CYTIP: variants seen among roughly 807,000 people sequenced by gnomAD.
CYTIP encodes the protein cytohesin 1 interacting protein, also known as cytohesin-interacting protein.
A neutral mutation model predicts 43.8 loss-of-function variants in CYTIP; 26 were observed. The ratio of observed to expected loss-of-function variants is 0.59; its 90% CI spans 0.44 to 0.82. The LOEUF is 0.82. Among genes scored for constraint, CYTIP ranks in the 40% least tolerant of loss-of-function variants. The pLI is 0.00. For missense variants in CYTIP, 426 were observed against 443.1 expected, an observed-to-expected ratio of 0.96 and a Z score of 0.35; for synonymous variants, 162 against 162.9, an observed-to-expected ratio of 0.99 and a Z score of 0.04.
intron 1 of CYTIP, 65 bp from the exon 2 acceptor site, chr2:157,434,812 ATCTCTCTCTCTCTCTC>A (rs113065609): frequency 3.6e-5 from 15 of 415,446 alleles, no homozygotes; most frequent in Admixed American, 2.9e-4. Flanking sequence ...AATGTTCTAA[ATCTCTCTCTCTCTCTC>A]TCTCTCTCTC....
rs1685431632 is a variant in CYTIP at position 157,415,887 on chromosome 2, C to T, written c.870G>A (p.Gly290=). The T allele has an allele frequency of 6.2e-7, 1 of 1,614,044 alleles. No homozygotes were observed. The highest frequency in any genetic ancestry group is 1.3e-5 in the African/African-American group (1 of 74,900). ...TDDECFIPKE[G]DDFLRRSSSR... ...AAGATGACCTCCTCAGAAAATCATC[C>T]CCCTCCTTGGGGATAAAGCACTCAT... The change falls in exon 8 of 8, where the codon GGG becomes GGA. Residue 290 remains glycine, a synonymous_variant. Transcript: ENST00000264192.
At chr2:157,421,593 T>C (rs985642574) in intron 6 of CYTIP, among the ~76,000 whole-genome samples, 4 of 152,188 alleles carry the variant, frequency 2.6e-5, no homozygotes, top group African/African-American at 7.2e-5. Context: ...AGCTAGCCCA[T>C]TGGATGTGCT....
intron 3 of CYTIP, among the ~76,000 whole-genome samples, chr2:157,433,356 G>A (rs982053700): frequency 4.6e-5 from 7 of 152,134 alleles, no homozygotes; most frequent in Non-Finnish European, 8.8e-5. Context: ...TCTTTTCAAA[G>A]TGCCTTCTCT....
chr2:157,442,111 C>T (rs1685928092), intron 1 of CYTIP, among the ~76,000 whole-genome samples: 1 of 152,188 alleles, frequency 6.6e-6, no homozygotes. Flanking sequence ...CAATTTCTCC[C>T]TTGCTCTGGA....
chr2:157,422,257 A>G (rs1245003900), intron 6 of CYTIP, among the ~76,000 whole-genome samples: 1 of 152,332 alleles, frequency 6.6e-6, no homozygotes, highest in East Asian at 1.9e-4. Context: ...GGGAGAGGCT[A>G]TATGCCATGC....
At chr2:157,431,679 T>C (rs1685716299) in intron 3 of CYTIP, among the ~76,000 whole-genome samples, 1 of 152,252 alleles carries the variant, frequency 6.6e-6, no homozygotes, top group Non-Finnish European at 1.5e-5. Context: ...CAATGACCTA[T>C]AACAAATATA....
intron 6 of CYTIP, among the ~76,000 whole-genome samples, chr2:157,426,914 T>C (rs751787492): frequency 8.5e-5 from 13 of 152,318 alleles, no homozygotes; most frequent in Admixed American, 8.5e-4. Context: ...GTCACAGGAT[T>C]AGACGGATAA....
intron 1 of CYTIP, among the ~76,000 whole-genome samples, chr2:157,441,121 A>G (rs1325872341): frequency 6.6e-6 from 1 of 152,192 alleles, no homozygotes; most frequent in African/African-American, 2.4e-5. Flanking sequence ...CTAACCAGAT[A>G]TAGCTTTGCA....
In CYTIP at chr2:157,444,051, G is replaced by A. The variant is rs1685958215; in HGVS notation, c.-31C>T. On this transcript the variant is annotated 5_prime_UTR_variant, in exon 1 of 8. Coordinates refer to ENST00000264192, the MANE Select transcript of CYTIP (RefSeq NM_004288.5). The stretch of plus-strand genomic sequence containing the variant: ...ATAAAGATCACTCCAGCTAGCACAT[G>A]GTTGAGTGGCCTTGCAGGATGGGGG... 6.2e-7 allele frequency: 1 copy of A among 1,607,338 alleles called. No individual in the cohort carries two copies. The highest frequency in any genetic ancestry group is 1.7e-5 in the Admixed American group (1 of 59,688).
At position 157,415,708 on chromosome 2, in the gene CYTIP, C is replaced by A. The variant is rs117488425; in HGVS notation, c.1049G>T (p.Arg350Leu). 6.2e-6 allele frequency: 10 copies of A among 1,612,384 alleles called. No homozygotes were observed. Among genetic ancestry groups the A allele is most frequent in the Non-Finnish European group, 7.6e-6 (9 of 1,178,898 alleles). ...GCGACTTTCTTCCTCTTCCACAGCA[C>A]GATGAAGGCCAGGGATAAATTTCAA... ...QLLKFIPGLH[R>L]AVEEEESRF The change falls in exon 8 of 8, where the codon CGT becomes CTT. Residue 350 changes from arginine (R) to leucine (L), a missense_variant. Transcript: ENST00000264192.
intron 1 of CYTIP, among the ~76,000 whole-genome samples, chr2:157,442,356 T>C (rs1685931137): frequency 1.3e-5 from 2 of 152,232 alleles, no homozygotes; most frequent in South Asian, 2.1e-4. Flanking sequence ...AGAAACCATC[T>C]GTTGCATTGA....
intron 6 of CYTIP, 45 bp from the exon 7 acceptor site, chr2:157,418,634 A>G: frequency 1.3e-6 from 2 of 1,503,238 alleles, no homozygotes; most frequent in South Asian, 1.3e-5. Flanking sequence ...TTATTAGGAA[A>G]CCCCAGTGAA....
At chr2:157,419,890 C>G (rs1685493419) in intron 6 of CYTIP, among the ~76,000 whole-genome samples, 1 of 152,232 alleles carries the variant, frequency 6.6e-6, no homozygotes, top group Non-Finnish European at 1.5e-5. Flanking sequence ...TGAACAATAA[C>G]TGGGCAGAAT....
chr2:157,432,509 C>T (rs1685728194), intron 3 of CYTIP, among the ~76,000 whole-genome samples: 1 of 152,148 alleles, frequency 6.6e-6, no homozygotes, highest in Non-Finnish European at 1.5e-5. Flanking sequence ...TGGTAAGGCA[C>T]ATCACTAGGT....
chr2:157,418,250 G>T (rs1685468025), intron 7 of CYTIP, among the ~76,000 whole-genome samples: 1 of 152,126 alleles, frequency 6.6e-6, no homozygotes, highest in Non-Finnish European at 1.5e-5. Context: ...CTTCCCCAAT[G>T]ATTTTCTAAA....
intron 1 of CYTIP, among the ~76,000 whole-genome samples, 200 bp downstream of exon 1, chr2:157,443,646 GA>G (rs1287051194): frequency 1.3e-5 from 2 of 151,700 alleles, no homozygotes; most frequent in African/African-American, 2.4e-5. Flanking sequence ...TTTTTGCCTT[GA>G]AAAAAAAGTT....
intron 6 of CYTIP, among the ~76,000 whole-genome samples, chr2:157,426,474 G>C (rs1410971646): frequency 6.6e-6 from 1 of 152,092 alleles, no homozygotes; most frequent in African/African-American, 2.4e-5. Context: ...TGTGGAGGAA[G>C]AAAAAGATAC....
At chr2:157,426,098 A>G (rs1685602998) in intron 6 of CYTIP, among the ~76,000 whole-genome samples, 1 of 152,064 alleles carries the variant, frequency 6.6e-6, no homozygotes, top group Non-Finnish European at 1.5e-5. Context: ...AAACAAAATC[A>G]TTAGCAATAA....
At chr2:157,424,512 A>T (rs1470308485) in intron 6 of CYTIP, among the ~76,000 whole-genome samples, 1 of 151,840 alleles carries the variant, frequency 6.6e-6, no homozygotes, top group Admixed American at 6.6e-5. Flanking sequence ...TGTTTCCTCA[A>T]ATTGATATAT....
Sources: gnomAD v4.1 joint callset for allele counts (sites outside exome capture counted in the v4.1 genomes callset) on GRCh38, gnomAD v4.1.1 for gene constraint, MANE v1.5 for transcripts, NCBI Gene and HGNC (gene_info 2026-07-23, HGNC 2026-07-21) for gene names.